The following PAGE4 variants were observed in gnomAD, a reference collection of about 807,000 sequenced individuals.
The protein encoded by PAGE4 is P antigen family member 4.
In PAGE4, 1 loss-of-function variant was observed where a neutral mutation model predicts 8.5. The observed-to-expected ratio is 0.12, with a 90% CI of 0.04 to 0.56. The LOEUF (loss-of-function observed/expected upper bound fraction) is 0.56. Among genes scored for constraint, PAGE4 ranks in the 20% least tolerant of loss-of-function variants. PAGE4 has a pLI of 0.91. For missense variants in PAGE4, 93 were observed against 82.7 expected (o/e 1.13, Z -0.49); for synonymous variants, 26 against 26.3 (o/e 0.99, Z 0.04).
chrX:49,833,006 A>T (rs1923524867), intron 4 of PAGE4, among the ~76,000 whole-genome samples: 1 of 112,092 alleles, frequency 8.9e-6, no homozygotes, highest in African/African-American at 3.2e-5. Flanking sequence ...AATCGCTTTT[A>T]GGCACTAACA....
chrX:49,833,400 CCT>C (rs1204828412), intron 4 of PAGE4, among the ~76,000 whole-genome samples: 2 of 112,124 alleles, frequency 1.8e-5, no homozygotes, highest in Non-Finnish European at 3.8e-5. Context: ...CATTCTTTGA[CCT>C]CTCTTTAGTC....
chrX:49,832,588 A>G lies in PAGE4; in HGVS notation c.230A>G (p.Asp77Gly). The part of the protein sequence containing the change: ...DLEKTRSERG[D>G]GSDVKEKTPP... Reference sequence around the variant, plus strand: ...GAAAAGACTCGGAGTGAGCGTGGAGATGGCTCTGATGTAAAAGAGAAGACT... The same window carrying G: ...GAAAAGACTCGGAGTGAGCGTGGAGGTGGCTCTGATGTAAAAGAGAAGACT... Residue 77 changes from aspartate (D) to glycine (G), a missense_variant, in exon 4 of 5, where the codon GAT becomes GGT. Physicochemically the swap from Asp to Gly is moderately conservative, Grantham distance 94 (BLOSUM62 -1). Coordinates refer to ENST00000218068, the MANE Select transcript of PAGE4 (RefSeq NM_007003.4). The G allele has an allele frequency of 8.4e-7, 1 of 1,192,679 alleles. No homozygotes were observed. Among genetic ancestry groups the G allele is most frequent in the Middle Eastern group, 2.3e-4 (1 of 4,313 alleles).
At chrX:49,832,936 G>A (rs1923521706) in intron 4 of PAGE4, among the ~76,000 whole-genome samples, 1 of 111,712 alleles carries the variant, frequency 9.0e-6, no homozygotes, top group Admixed American at 9.5e-5. Flanking sequence ...GGGCAATTGG[G>A]TATCTAAATG....
At chrX:49,832,173 C>T (rs1291651277) in intron 3 of PAGE4, among the ~76,000 whole-genome samples, 1 of 111,202 alleles carries the variant, frequency 9.0e-6, no homozygotes, top group Non-Finnish European at 1.9e-5. Flanking sequence ...TTGCTAGGTG[C>T]CGGGTAATGT....
chrX:49,829,542 G>A (rs1923410186), intron 1 of PAGE4, 191 bp downstream of exon 1: 1 of 112,080 alleles, frequency 8.9e-6, no homozygotes. Flanking sequence ...GATGCTGTGA[G>A]TTTTGGAGCG....
chrX:49,831,107 T>A (rs1383657420), intron 3 of PAGE4, 23 bp downstream of exon 3: 1 of 1,031,144 alleles, frequency 9.7e-7, no homozygotes, highest in East Asian at 3.2e-5. Flanking sequence ...TGGAGGAGCA[T>A]TTTGTGTTTC....
intron 4 of PAGE4, among the ~76,000 whole-genome samples, 193 bp from the exon 5 acceptor site, chrX:49,833,653 A>G (rs1315348029): frequency 8.9e-6 from 1 of 112,154 alleles, no homozygotes; most frequent in Non-Finnish European, 1.9e-5. Flanking sequence ...TTGTACCACT[A>G]GAGTGAGGCA....
At chrX:49,832,331 G>A (rs782263494) in intron 3 of PAGE4, among the ~76,000 whole-genome samples, 194 bp from the exon 4 acceptor site, 6 of 111,667 alleles carry the variant, frequency 5.4e-5, no homozygotes, top group Non-Finnish European at 9.4e-5. Context: ...CAACTAAGTT[G>A]TCTTAAACAG....
In PAGE4 at chrX:49,832,566, A is replaced by G. The variant is rs1557156743; in HGVS notation, c.208A>G (p.Lys70Glu). 1.3e-5 allele frequency: 15 copies of G among 1,197,496 alleles called. No homozygotes were observed. Among genetic ancestry groups the G allele is most frequent in the Non-Finnish European group, 1.6e-5 (14 of 883,704 alleles). The change falls in exon 4 of 5, where the codon AAG (lysine) becomes GAG (glutamate). Residue 70 changes from lysine to glutamate, a missense_variant. Transcript: ENST00000218068. Reference protein sequence around the residue: ...EGDCQEMDLEKTRSERGDGSD... With the variant: ...EGDCQEMDLEETRSERGDGSD... ...TGATTGCCAGGAAATGGATCTGGAA[A>G]AGACTCGGAGTGAGCGTGGAGATGG...
intron 2 of PAGE4, 85 bp downstream of exon 2, chrX:49,830,591 T>C (rs994578732): frequency 1.5e-6 from 1 of 654,861 alleles, no homozygotes; most frequent in East Asian, 3.6e-5. Flanking sequence ...CCAATATAGA[T>C]CTGTTATATA....
intron 2 of PAGE4, 194 bp from the exon 3 acceptor site, chrX:49,830,802 AG>A (rs1234967186): frequency 2.3e-6 from 1 of 440,026 alleles, no homozygotes; most frequent in Non-Finnish European, 3.9e-6. Flanking sequence ...TGGTCCTTGC[AG>A]GTAACTCCTT....
In PAGE4 at chrX:49,831,076, C is replaced by G; in HGVS notation, c.158C>G (p.Pro53Arg). The G allele has an allele frequency of 8.6e-7, 1 of 1,160,988 alleles. No homozygotes were observed. The highest frequency in any genetic ancestry group is 1.2e-6 in the Non-Finnish European group (1 of 859,896). Reference sequence around the variant, plus strand: ...GGACAAGAGAGAGAAGGAACACCTCCGATCGAAGGTGAGAAGGGCATGGAG... The same window carrying G: ...GGACAAGAGAGAGAAGGAACACCTCGGATCGAAGGTGAGAAGGGCATGGAG... ...EPGQEREGTPPIEERKVEGDC... is the reference protein window; with the variant it reads ...EPGQEREGTPRIEERKVEGDC... The change falls in exon 3 of 5, where the codon CCG (proline) becomes CGG (arginine). Residue 53 changes from proline to arginine, a missense_variant. Pro to Arg is a moderately radical substitution (Grantham distance 103, BLOSUM62 -2). Transcript: ENST00000218068.
At chrX:49,832,448 C>A in intron 3 of PAGE4, 77 bp from the exon 4 acceptor site, 2 of 657,623 alleles carry the variant, frequency 3.0e-6, no homozygotes, top group East Asian at 3.7e-5. Context: ...AGAATACAAG[C>A]CTACAGAGCT....
At chrX:49,832,703 T>C (rs1923516385) in intron 4 of PAGE4, 53 bp downstream of exon 4, 1 of 1,033,599 alleles carries the variant, frequency 9.7e-7, no homozygotes. Flanking sequence ...TTCTATAATA[T>C]ACTTTAATAA....
intron 3 of PAGE4, among the ~76,000 whole-genome samples, chrX:49,831,822 G>A (rs935252304): frequency 3.6e-5 from 4 of 111,902 alleles, no homozygotes; most frequent in Admixed American, 9.5e-5. Context: ...CTAAAAATAT[G>A]GATAATCTCT....
chrX:49,830,372 A>G lies in PAGE4; in HGVS notation c.-30-27A>G, dbSNP rs782730860. On this transcript the variant is annotated intron_variant, in intron 1 of 4. Transcript: ENST00000218068. ...TCAGCAGATGGCCATGGAAAGAGTC[A>G]AGTATAATTACTCCTTTTTATTGCA... 1.4e-4 allele frequency: 110 copies of G among 806,638 alleles called. 1 individual carries two copies. Among genetic ancestry groups the G allele is most frequent in the Non-Finnish European group, 2.7e-5 (15 of 557,403 alleles). The allele number at this position is 806,638 out of a possible 1,213,427, so 66.5% of individuals were successfully genotyped here. A position where few individuals can be genotyped will look rare whatever the true frequency, so the allele number is the denominator to read the frequency against.
chrX:49,829,776 C>T (rs1285836737), intron 1 of PAGE4: 9 of 112,267 alleles, frequency 8.0e-5, no homozygotes, highest in African/African-American at 2.6e-4. Context: ...GACTCTTTCA[C>T]CTGAGACTGA....
intron 4 of PAGE4, 38 bp downstream of exon 4, chrX:49,832,688 T>G: frequency 3.6e-6 from 4 of 1,110,663 alleles, no homozygotes; most frequent in Non-Finnish European, 3.7e-6. Context: ...ATGGGGTTAC[T>G]CTTTTTCTAT....
At position 49,834,073 on chromosome X, in the gene PAGE4, TG is replaced by T. The variant is rs1923555971; in HGVS notation, c.*212del. 2.7e-6 allele frequency: 1 copy of T among 375,961 alleles called. No homozygotes were observed. Among genetic ancestry groups the T allele is most frequent in the Admixed American group, 4.5e-5 (1 of 22,384 alleles). 31.0% of individuals were successfully genotyped at this position (375,961 alleles called of 1,213,427 possible). A position where few individuals can be genotyped will look rare whatever the true frequency, so the allele number is the denominator to read the frequency against. On this transcript the variant is annotated 3_prime_UTR_variant, in exon 5 of 5. Coordinates refer to ENST00000218068, the MANE Select transcript of PAGE4 (RefSeq NM_007003.4). ...TCTGTTTAGAGCTGGTATATATTTTTGTATACTGATTTTGTGTTGGGCAACA... is the reference window on the plus strand; with the variant it reads ...TCTGTTTAGAGCTGGTATATATTTTTTATACTGATTTTGTGTTGGGCAACA...
Sources: allele counts gnomAD v4.1 joint callset (sites outside exome capture counted in the v4.1 genomes callset), GRCh38; gene constraint gnomAD v4.1.1; transcripts MANE v1.5; gene names NCBI Gene and HGNC (gene_info 2026-07-23, HGNC 2026-07-21).